The following PRTG variants were observed in gnomAD, a reference collection of about 807,000 sequenced individuals.
PRTG encodes immunoglobulin superfamily, DCC subclass, member 5.
A neutral mutation model predicts 122.5 loss-of-function variants in PRTG; 67 were observed. The ratio of observed to expected loss-of-function variants is 0.55; its 90% confidence interval spans 0.45 to 0.67. The LOEUF (loss-of-function observed/expected upper bound fraction) is 0.67, where lower values mean the gene tolerates loss of function less well. PRTG is among the 30% of genes least tolerant of loss of function. PRTG has a pLI of 0.00. For synonymous variants in PRTG, 554 were observed against 501.1 expected (o/e 1.11, Z -1.41); for missense variants, 1,435 against 1,415.4 (o/e 1.01, Z -0.22).
intron 15 of PRTG, among the ~76,000 whole-genome samples, chr15:55,636,299 A>AT (rs200047159): frequency 0.011 from 1,714 of 150,132 alleles, 16 homozygotes; most frequent in Non-Finnish European, 0.012. Flanking sequence ...ATACGGGTCA[A>AT]TTTTTTTTTT....
intron 2 of PRTG, chr15:55,738,416 G>A (rs1489841969): frequency 1.6e-5 from 11 of 689,034 alleles, no homozygotes; most frequent in Non-Finnish European, 2.9e-5. Flanking sequence ...CTTCTCAGGA[G>A]GTCCTGGAAA....
chr15:55,736,030 G>A (rs1235805930), intron 2 of PRTG, among the ~76,000 whole-genome samples: 4 of 152,094 alleles, frequency 2.6e-5, no homozygotes, highest in South Asian at 2.1e-4. Flanking sequence ...TTTTAAAGGC[G>A]AATTTTTTTG....
chr15:55,619,237 T>A lies in PRTG; in HGVS notation c.*775A>T, dbSNP rs2141704444. ...CATAAAGGCCTTTTAAGCAAAATGA[T>A]CCCTACCTGGTATTGAATAGTTCTG... On this transcript the variant is annotated 3_prime_UTR_variant, in exon 20 of 20. Coordinates refer to ENST00000389286, the MANE Select transcript of PRTG (RefSeq NM_173814.6). 1 of 152,228 alleles carries A rather than the reference T, an allele frequency of 6.6e-6. No homozygotes were observed. The highest frequency in any genetic ancestry group is 3.4e-3 in the Middle Eastern group (1 of 294). The allele number at this position is 152,228 out of a possible 1,614,324, so 9.4% of individuals were successfully genotyped here. A position where few individuals can be genotyped will look rare whatever the true frequency, so the allele number is the denominator to read the frequency against.
intron 12 of PRTG, 96 bp from the exon 13 acceptor site, chr15:55,639,924 T>G (rs988007748): frequency 2.3e-5 from 34 of 1,500,840 alleles, no homozygotes; most frequent in Non-Finnish European, 3.0e-5. Flanking sequence ...CCCTATAAGT[T>G]GATTTTAGGT....
At chr15:55,677,720 T>C (rs1182667515) in intron 8 of PRTG, 77 bp downstream of exon 8, 5 of 1,337,430 alleles carry the variant, frequency 3.7e-6, no homozygotes, top group Non-Finnish European at 4.2e-6. Context: ...ATGGATTATG[T>C]AAGGCATTAT....
chr15:55,742,681 G>C, intron 1 of PRTG, 157 bp downstream of exon 1: 3 of 886,908 alleles, frequency 3.4e-6, no homozygotes, highest in Non-Finnish European at 5.2e-6. Flanking sequence ...GGCGGTTCCG[G>C]ACAGGCCGCA....
At chr15:55,663,603 G>A (rs569813768) in intron 11 of PRTG, among the ~76,000 whole-genome samples, 2 of 151,170 alleles carry the variant, frequency 1.3e-5, no homozygotes, top group African/African-American at 2.4e-5. Context: ...GTGCAATGGC[G>A]CTATCTCAGC....
intron 2 of PRTG, among the ~76,000 whole-genome samples, chr15:55,725,241 T>A (rs1212783959): frequency 6.6e-6 from 1 of 152,186 alleles, no homozygotes; most frequent in Non-Finnish European, 1.5e-5. Context: ...TTGAGGATGT[T>A]AAGTATAATT....
At chr15:55,706,235 C>A (rs2030110297) in intron 2 of PRTG, among the ~76,000 whole-genome samples, 2 of 151,704 alleles carry the variant, frequency 1.3e-5, no homozygotes, top group African/African-American at 4.8e-5. Context: ...AAAAGTAGAA[C>A]CCACAGGATG....
chr15:55,637,318 T>TC lies in PRTG; in HGVS notation c.2474dup (p.Val826SerfsTer9). 6.2e-7 allele frequency: 1 copy of TC among 1,612,820 alleles called. No individual in the cohort carries two copies. Among genetic ancestry groups the TC allele is most frequent in the Non-Finnish European group, 8.5e-7 (1 of 1,179,622 alleles). ...CATCCTCTATTAATGTCACTTTTAC[T>TC]CCAACTGGTGGGCCTGCTGGTGCTG... On this transcript the variant is annotated frameshift_variant, in exon 15 of 20. Coordinates refer to ENST00000389286, the MANE Select transcript of PRTG (RefSeq NM_173814.6). LOFTEE classifies it high-confidence loss of function.
chr15:55,656,198 A>C (rs1169334167), intron 11 of PRTG: 1 of 291,314 alleles, frequency 3.4e-6, no homozygotes. Context: ...GCTTTTCCCC[A>C]CAAGAATCCA....
intron 11 of PRTG, among the ~76,000 whole-genome samples, chr15:55,649,105 A>C (rs141811165): frequency 0.01 from 1,557 of 152,024 alleles, 19 homozygotes; most frequent in South Asian, 0.015. Flanking sequence ...AAAAAGAAAA[A>C]AAACAAAAAC....
intron 2 of PRTG, among the ~76,000 whole-genome samples, chr15:55,697,729 A>G (rs2059639525): frequency 6.6e-6 from 1 of 152,256 alleles, no homozygotes; most frequent in African/African-American, 2.4e-5. Context: ...ACCTCAGGTG[A>G]TCTGCTCACC....
At chr15:55,737,289 A>G (rs192038672) in intron 2 of PRTG, among the ~76,000 whole-genome samples, 183 of 152,364 alleles carry the variant, frequency 1.2e-3, no homozygotes, top group South Asian at 2.5e-3. Flanking sequence ...TATTAATAAA[A>G]AGGATTATCT....
intron 19 of PRTG, 89 bp from the exon 20 acceptor site, chr15:55,620,355 A>G: frequency 6.5e-7 from 1 of 1,545,208 alleles, no homozygotes; most frequent in Non-Finnish European, 8.7e-7. Flanking sequence ...GACAGGTGGG[A>G]GCACATCAGA....
At chr15:55,624,971 C>A (rs1467169367) in intron 17 of PRTG, among the ~76,000 whole-genome samples, 2 of 152,060 alleles carry the variant, frequency 1.3e-5, no homozygotes, top group Non-Finnish European at 2.9e-5. Flanking sequence ...AAAACTAAGG[C>A]AATTCAATAC....
intron 11 of PRTG, among the ~76,000 whole-genome samples, chr15:55,658,728 T>G (rs958098097): frequency 3.3e-5 from 5 of 152,202 alleles, no homozygotes; most frequent in Non-Finnish European, 7.3e-5. Context: ...CCTAGAAAAG[T>G]TGTATATTAA....
chr15:55,631,796 C>T (rs547257369), intron 15 of PRTG, among the ~76,000 whole-genome samples: 42 of 152,214 alleles, frequency 2.8e-4, no homozygotes, highest in Admixed American at 7.9e-4. Context: ...ACAATAGTTC[C>T]CACCTTATAT....
At chr15:55,648,388 T>G (rs2059335537) in intron 11 of PRTG, among the ~76,000 whole-genome samples, 1 of 152,232 alleles carries the variant, frequency 6.6e-6, no homozygotes, top group Non-Finnish European at 1.5e-5. Flanking sequence ...TTAATTCCAT[T>G]CTAACTGCAT....
Sources: gnomAD v4.1 joint callset for allele counts (sites outside exome capture counted in the v4.1 genomes callset) on GRCh38, gnomAD v4.1.1 for gene constraint, MANE v1.5 for transcripts, NCBI Gene and HGNC (gene_info 2026-07-23, HGNC 2026-07-21) for gene names.